Variants in HACD1 observed in about 807,000 individuals in gnomAD.
HACD1 encodes 3-hydroxyacyl-CoA dehydratase 1.
Under a neutral mutation model 32.0 loss-of-function variants are expected in HACD1, and 41 were observed. The observed-to-expected ratio is 1.28, with a 90% confidence interval of 1.00 to 1.66. The LOEUF (loss-of-function observed/expected upper bound fraction) is 1.66, where lower values mean the gene tolerates loss of function less well. HACD1 is among the 40% of genes most tolerant of loss of function. The probability of loss-of-function intolerance (pLI) is 0.00; values close to 1 mark genes in which losing one functional copy is unlikely to be tolerated. For synonymous variants in HACD1, 142 were observed against 139.0 expected (o/e 1.02, Z -0.15); for missense variants, 396 against 380.1 (o/e 1.04, Z -0.35).
chr10:17,610,999 C>CTTTTTT (rs71393021), intron 1 of HACD1, among the ~76,000 whole-genome samples: 2 of 103,014 alleles, frequency 1.9e-5, no homozygotes, highest in Non-Finnish European at 1.9e-5. Flanking sequence ...AGGTCCTCTT[C>CTTTTTT]TTTTTTTTTT....
chr10:17,602,154 C>G (rs1453392148), intron 4 of HACD1, among the ~76,000 whole-genome samples: 1 of 151,506 alleles, frequency 6.6e-6, no homozygotes, highest in Non-Finnish European at 1.5e-5. Flanking sequence ...ACTGCACCCT[C>G]CACCTCCCAG....
chr10:17,617,149 T>C lies in HACD1; in HGVS notation c.191A>G (p.Glu64Gly). 3.3e-6 allele frequency: 5 copies of C among 1,507,808 alleles called. No homozygotes were observed. Among genetic ancestry groups the C allele is most frequent in the Non-Finnish European group, 4.4e-6 (5 of 1,131,688 alleles). The allele number at this position is 1,507,808 out of a possible 1,614,324, so 93.4% of individuals were successfully genotyped here. A position where few individuals can be genotyped will look rare whatever the true frequency, so the allele number is the denominator to read the frequency against. ...EAGEDREAPG[E>G]RRRLGVLATA... The stretch of plus-strand genomic sequence containing the variant: ...GGCCAAGACCCCCAGGCGCCTCCGC[T>C]CGCCGGGAGCCTCCCGGTCCTCGCC... The change falls in exon 1 of 7, where the codon GAG becomes GGG. Residue 64 changes from glutamate to glycine, a missense_variant. By Grantham distance (98) the Glu-to-Gly change is moderately conservative. Transcript: ENST00000361271.
intron 1 of HACD1, among the ~76,000 whole-genome samples, chr10:17,610,382 C>T (rs1378611143): frequency 3.9e-5 from 6 of 152,288 alleles, no homozygotes; most frequent in African/African-American, 1.2e-4. Flanking sequence ...GGCGCAGTGG[C>T]TCACACCTGT....
Position 17,617,226 on chromosome 10 carries a change from G to T in HACD1, c.114C>A (p.Ala38=). ...CGTCCTCGTCGCTGGACGCCATGGT[G>T]GCCGCGCACCTGGGGGACGTGGGAG... is the stretch of plus-strand genomic sequence containing the variant. The part of the protein sequence containing the change: ...PLSPTSPRCA[A]TMASSDEDGT... Residue 38 remains alanine (A), a synonymous_variant, in exon 1 of 7, where the codon GCC becomes GCA. Coordinates refer to ENST00000361271, the MANE Select transcript of HACD1 (RefSeq NM_014241.4). 1 of 1,492,024 alleles carries T rather than the reference G, an allele frequency of 6.7e-7. No individual in the cohort carries two copies. The highest frequency in any genetic ancestry group is 1.2e-5 in the South Asian group (1 of 80,104). 92.4% of individuals were successfully genotyped at this position (1,492,024 alleles called of 1,614,324 possible).
At chr10:17,593,940 C>A (rs1336284367) in intron 6 of HACD1, among the ~76,000 whole-genome samples, 1 of 152,090 alleles carries the variant, frequency 6.6e-6, no homozygotes, top group Non-Finnish European at 1.5e-5. Context: ...TTAAAAAAAT[C>A]ATACTAAGCT....
rs561697960 is a variant in HACD1 at position 17,599,574 on chromosome 10, A to G, written c.484-163T>C. Among the ~76,000 whole-genome samples, 3 of 152,258 alleles carry G rather than the reference A, an allele frequency of 2.0e-5. No individual in the cohort carries two copies. In the South Asian group the frequency reaches 6.2e-4, roughly 31 times the overall value. On this transcript the variant is annotated intron_variant, in intron 4 of 6. Coordinates refer to ENST00000361271, the MANE Select transcript of HACD1 (RefSeq NM_014241.4). ...GCAGTCACCATTAACATAATTAATT[A>G]TAAACGTGGAACTTAAACGTATCTT...
intron 5 of HACD1, among the ~76,000 whole-genome samples, chr10:17,596,886 G>A (rs1311656232): frequency 1.3e-5 from 2 of 152,064 alleles, no homozygotes; most frequent in Admixed American, 6.6e-5. Flanking sequence ...TGTAACAATA[G>A]GCCAAACTAC....
rs186941526 is a variant in HACD1, at chr10:17,594,871, T to G, written c.606-488A>C. On this transcript the variant is annotated intron_variant, in intron 5 of 6. Coordinates refer to ENST00000361271, the MANE Select transcript of HACD1 (RefSeq NM_014241.4). ...TGTTTTTTTTTTTTGTTTTTTGTTT[T>G]TTTTTGAGATGGAGTCTTACTCTGT... Among the ~76,000 whole-genome samples the G allele has an allele frequency of 4.2e-3, 637 of 151,342 alleles. 1 individual carries two copies. Among genetic ancestry groups the G allele is most frequent in the Non-Finnish European group, 6.9e-3 (471 of 67,812 alleles).
intron 1 of HACD1, among the ~76,000 whole-genome samples, chr10:17,612,416 A>G (rs1832997931): frequency 6.6e-6 from 1 of 152,236 alleles, no homozygotes; most frequent in Non-Finnish European, 1.5e-5. Flanking sequence ...TCATTCATTC[A>G]AATATTTATT....
In HACD1 at chr10:17,614,276, A is replaced by C. The variant is rs76965900; in HGVS notation, c.257+2807T>G. ...AAAACCTGTCTTTACAGAAATTATT[A>C]TTATTATTGTTTTATTTTTTTGTGT... is the stretch of plus-strand genomic sequence containing the variant. On this transcript the variant is annotated intron_variant, in intron 1 of 6. Coordinates refer to ENST00000361271, the MANE Select transcript of HACD1 (RefSeq NM_014241.4). 7.8e-3 allele frequency among the ~76,000 whole-genome samples: 1,189 copies of C among 152,202 alleles called. 18 individuals are homozygous for C. The highest frequency in any genetic ancestry group is 0.028 in the African/African-American group (1,144 of 41,512).
chr10:17,594,248 G>C lies in HACD1; in HGVS notation c.741C>G (p.Asp247Glu). The C allele has an allele frequency of 6.3e-7, 1 of 1,592,684 alleles. No homozygotes were observed. Among genetic ancestry groups the C allele is most frequent in the South Asian group, 1.1e-5 (1 of 87,518 alleles). ...RLPNKYNVSF[D>E]YYYFLLITMA... Reference sequence around the variant, plus strand: ...TGGTTATAAGAAGAAAATAATAGTAGTCAAAAGAGACATTGTATTTGTTAG... The same window carrying C: ...TGGTTATAAGAAGAAAATAATAGTACTCAAAAGAGACATTGTATTTGTTAG... The change falls in exon 6 of 7, where the codon GAC becomes GAG. Residue 247 changes from aspartate to glutamate, a missense_variant. Coordinates refer to ENST00000361271, the MANE Select transcript of HACD1 (RefSeq NM_014241.4).
Position 17,595,265 on chromosome 10 carries a change from G to A in HACD1, c.606-882C>T, listed in dbSNP as rs528004550. ...TAGTAATTTATTGATCAAACACTGCGTTTAAAAAGACCAGTGATTATCCTA... is the reference window on the plus strand; with the variant it reads ...TAGTAATTTATTGATCAAACACTGCATTTAAAAAGACCAGTGATTATCCTA... On this transcript the variant is annotated intron_variant, in intron 5 of 6. Transcript: ENST00000361271. Among the ~76,000 whole-genome samples the A allele has an allele frequency of 5.7e-4, 86 of 152,212 alleles. No individual in the cohort carries two copies. The South Asian group carries it at 0.017, about 30-fold the overall frequency.
chr10:17,603,763 A>G lies in HACD1; in HGVS notation c.376-19T>C. The G allele has an allele frequency of 6.3e-7, 1 of 1,589,514 alleles. No homozygotes were observed. Among genetic ancestry groups the G allele is most frequent in the Non-Finnish European group, 8.6e-7 (1 of 1,159,844 alleles). On this transcript the variant is annotated intron_variant, in intron 2 of 6. Coordinates refer to ENST00000361271, the MANE Select transcript of HACD1 (RefSeq NM_014241.4). ...GAACTATCTGTAAGCAAATAGAAAAAAATCATTACGTCAATAATAGAAAAC... is the reference window on the plus strand; with the variant it reads ...GAACTATCTGTAAGCAAATAGAAAAGAATCATTACGTCAATAATAGAAAAC...
chr10:17,599,289 C>A lies in HACD1; in HGVS notation c.605+1G>T, dbSNP rs1554816267. The A allele has an allele frequency of 1.9e-6, 3 of 1,613,844 alleles. No individual in the cohort carries two copies. The South Asian group carries it at 3.3e-5, about 18-fold the overall frequency. ...GAAACTAAACTGCAAGATATCGCCA[C>A]CTGGCCCATTTAATGAAGTATGGCA... On this transcript the variant is annotated splice_donor_variant, in intron 5 of 6. Coordinates refer to ENST00000361271, the MANE Select transcript of HACD1 (RefSeq NM_014241.4). LOFTEE classifies it high-confidence loss of function.
intron 4 of HACD1, among the ~76,000 whole-genome samples, chr10:17,602,603 C>G (rs896310607): frequency 6.6e-6 from 1 of 152,030 alleles, no homozygotes; most frequent in East Asian, 1.9e-4. Flanking sequence ...GAAATATGTA[C>G]GCATTGTGAA....
At chr10:17,611,782 C>T (rs886820052) in intron 1 of HACD1, among the ~76,000 whole-genome samples, 7 of 151,946 alleles carry the variant, frequency 4.6e-5, no homozygotes, top group Admixed American at 1.3e-4. Flanking sequence ...CTGGCTAACA[C>T]GGTGAAACCC....
intron 1 of HACD1, chr10:17,615,736 G>T (rs754913015): frequency 5.3e-6 from 2 of 379,940 alleles, no homozygotes; most frequent in African/African-American, 2.1e-5. Context: ...GGAGGCCGAA[G>T]TGGGGGAATC....
intron 1 of HACD1, among the ~76,000 whole-genome samples, chr10:17,604,527 A>G (rs11818817): frequency 1.9e-3 from 287 of 152,078 alleles, no homozygotes; most frequent in African/African-American, 6.7e-3. Context: ...AGACAATAGA[A>G]TATTAGCCTT....
intron 1 of HACD1, among the ~76,000 whole-genome samples, chr10:17,614,913 C>T (rs370343476): frequency 6.6e-6 from 1 of 152,042 alleles, no homozygotes; most frequent in Non-Finnish European, 1.5e-5. Flanking sequence ...CCATGGCGCC[C>T]GGCTAATTTT....
Sources: allele counts gnomAD v4.1 joint callset (sites outside exome capture counted in the v4.1 genomes callset), GRCh38; gene constraint gnomAD v4.1.1; transcripts MANE v1.5; gene names NCBI Gene and HGNC (gene_info 2026-07-23, HGNC 2026-07-21).